Variants in CEP128 observed in about 807,000 individuals in gnomAD.
CEP128 encodes centrosomal protein 128, also known as centrosomal protein 128kDa.
In CEP128, 132 loss-of-function variants were observed where a neutral mutation model predicts 156.7. That is an observed-to-expected ratio of 0.84 (90% CI 0.73 to 0.97). The LOEUF (loss-of-function observed/expected upper bound fraction) is 0.97, where lower values mean the gene tolerates loss of function less well. Ranked by LOEUF, CEP128 falls within the 50% of genes least tolerant of loss-of-function variation. CEP128 has a pLI of 0.00. For synonymous variants in CEP128, 469 were observed against 448.9 expected (o/e 1.04, Z -0.57); for missense variants, 1,252 against 1,281.9 (o/e 0.98, Z 0.36).
intron 16 of CEP128, among the ~76,000 whole-genome samples, chr14:80,774,622 TGTGC>T (rs966466517): frequency 1.3e-5 from 2 of 152,074 alleles, no homozygotes; most frequent in African/African-American, 4.8e-5. Context: ...TGTGTGTGTG[TGTGC>T]GTGTGTGTGT....
intron 19 of CEP128, among the ~76,000 whole-genome samples, chr14:80,589,061 A>G (rs769941857): frequency 4.6e-5 from 7 of 152,176 alleles, no homozygotes; most frequent in Non-Finnish European, 1.0e-4. Flanking sequence ...CAATGTAATC[A>G]GAAGACACTG....
chr14:80,726,151 A>G (rs1456513660), intron 19 of CEP128, among the ~76,000 whole-genome samples: 1 of 152,182 alleles, frequency 6.6e-6, no homozygotes, highest in Non-Finnish European at 1.5e-5. Context: ...GATGACCATG[A>G]CAGCCATGAT....
chr14:80,659,235 A>G (rs1895296830), intron 19 of CEP128, among the ~76,000 whole-genome samples: 1 of 152,192 alleles, frequency 6.6e-6, no homozygotes, highest in Admixed American at 6.5e-5. Flanking sequence ...GAAAAGTGGC[A>G]AGATTTGGTA....
chr14:80,751,287 G>T (rs1899379629), intron 18 of CEP128, among the ~76,000 whole-genome samples: 1 of 151,982 alleles, frequency 6.6e-6, no homozygotes, highest in African/African-American at 2.4e-5. Flanking sequence ...TTTTTTTTAT[G>T]AATTGAATTT....
At chr14:80,741,296 A>C (rs1024584206) in intron 19 of CEP128, among the ~76,000 whole-genome samples, 1 of 152,202 alleles carries the variant, frequency 6.6e-6, no homozygotes, top group Non-Finnish European at 1.5e-5. Flanking sequence ...TTTAGGTTTT[A>C]GTAAACCTGA....
intron 19 of CEP128, among the ~76,000 whole-genome samples, chr14:80,627,488 G>GT (rs1167197835): frequency 6.6e-6 from 1 of 152,174 alleles, no homozygotes; most frequent in East Asian, 1.9e-4. Context: ...GCAGGACATT[G>GT]TAAGGCCCAT....
chr14:80,614,363 G>A (rs1282995245), intron 19 of CEP128, among the ~76,000 whole-genome samples: 3 of 151,974 alleles, frequency 2.0e-5, no homozygotes, highest in South Asian at 4.2e-4. Flanking sequence ...ATTCCTATAC[G>A]CCAGGCTTAC....
chr14:80,508,988 G>C (rs536354002), intron 23 of CEP128, among the ~76,000 whole-genome samples: 54 of 152,164 alleles, frequency 3.5e-4, no homozygotes, highest in Non-Finnish European at 6.3e-4. Flanking sequence ...ATGGCGGAAG[G>C]AGAAGGGGAA....
chr14:80,625,470 T>A (rs1893673055), intron 19 of CEP128, among the ~76,000 whole-genome samples: 1 of 152,002 alleles, frequency 6.6e-6, no homozygotes, highest in African/African-American at 2.4e-5. Context: ...AATTTCAGGA[T>A]TTTTTTTCTA....
intron 2 of CEP128, chr14:80,955,364 T>C (rs1420266966): frequency 8.0e-5 from 35 of 437,234 alleles, no homozygotes; most frequent in Non-Finnish European, 1.2e-4. Flanking sequence ...GGGGGCGGGC[T>C]GGAAAACAGA....
chr14:80,845,091 C>G (rs913039122), intron 9 of CEP128, among the ~76,000 whole-genome samples: 8 of 152,068 alleles, frequency 5.3e-5, no homozygotes, highest in Non-Finnish European at 1.0e-4. Flanking sequence ...AAATTCAATA[C>G]CATGACTACA....
chr14:80,888,465 G>T (rs1215326328), intron 8 of CEP128, among the ~76,000 whole-genome samples: 1 of 152,178 alleles, frequency 6.6e-6, no homozygotes, highest in Non-Finnish European at 1.5e-5. Flanking sequence ...GGAATGCAAG[G>T]CTGGTTCAAC....
intron 16 of CEP128, among the ~76,000 whole-genome samples, chr14:80,764,111 A>G (rs1900105000): frequency 6.6e-6 from 1 of 152,252 alleles, no homozygotes; most frequent in Admixed American, 6.5e-5. Context: ...TATTAATAAG[A>G]AGACAAAACT....
At chr14:80,831,667 A>T (rs2140046095) in intron 12 of CEP128, among the ~76,000 whole-genome samples, 1 of 151,618 alleles carries the variant, frequency 6.6e-6, no homozygotes, top group South Asian at 2.1e-4. Context: ...TCTACAAAAT[A>T]TTTTTTTTGC....
rs61046137 is a variant in CEP128 at position 80,811,818 on chromosome 14, T to TTAGATAGA, written c.1210-18716_1210-18709dup. On this transcript the variant is annotated intron_variant, in intron 13 of 24. Coordinates refer to ENST00000555265, the MANE Select transcript of CEP128 (RefSeq NM_152446.5). ...GTGTGTGTGTGTGCACACGCATGTA[T>TTAGATAGA]TAGATAGATAGATAGATAGATAGAT... Among the ~76,000 whole-genome samples, 1,301 of 149,628 alleles carry TTAGATAGA rather than the reference T, an allele frequency of 8.7e-3. 18 individuals are homozygous for TTAGATAGA. Among genetic ancestry groups the TTAGATAGA allele is most frequent in the East Asian group, 0.049 (248 of 5,068 alleles).
chr14:80,908,750 T>C (rs1884034038), intron 4 of CEP128, among the ~76,000 whole-genome samples: 1 of 152,244 alleles, frequency 6.6e-6, no homozygotes, highest in South Asian at 2.1e-4. Context: ...TTTAAAGTTC[T>C]AGAGGATGAC....
At chr14:80,796,905 G>T (rs950871670) in intron 13 of CEP128, among the ~76,000 whole-genome samples, 1 of 152,184 alleles carries the variant, frequency 6.6e-6, no homozygotes, top group African/African-American at 2.4e-5. Context: ...CAAAAAGGCA[G>T]TCCTACTAAA....
rs114311688 is a variant in CEP128 at position 80,485,038 on chromosome 14, C to T, written c.*311-6631G>A. ...AATCAAGGTAGCATCAGACAGAAGACGGCAGCCATTGTGGACAGCTGTCTC... is the reference window on the plus strand; with the variant it reads ...AATCAAGGTAGCATCAGACAGAAGATGGCAGCCATTGTGGACAGCTGTCTC... On this transcript the variant is annotated intron_variant and NMD_transcript_variant, in intron 14 of 14. Transcript: ENST00000554502. Among the ~76,000 whole-genome samples, 1,454 of 152,172 alleles carry T rather than the reference C, an allele frequency of 9.6e-3. 33 individuals are homozygous for T. Among genetic ancestry groups the T allele is most frequent in the African/African-American group, 0.034 (1,398 of 41,512 alleles).
At chr14:80,650,682 G>A (rs1894863946) in intron 19 of CEP128, among the ~76,000 whole-genome samples, 1 of 152,122 alleles carries the variant, frequency 6.6e-6, no homozygotes, top group African/African-American at 2.4e-5. Context: ...AAATTATGTG[G>A]ATTTTGTCAT....
Sources: allele counts gnomAD v4.1 joint callset (sites outside exome capture counted in the v4.1 genomes callset), GRCh38; gene constraint gnomAD v4.1.1; transcripts MANE v1.5; gene names NCBI Gene and HGNC (gene_info 2026-07-23, HGNC 2026-07-21).